The following PLEKHG1 variants were observed in gnomAD, a reference collection of about 807,000 sequenced individuals.
PLEKHG1 encodes pleckstrin homology and RhoGEF domain containing G1, also known as pleckstrin homology domain-containing family G member 1.
Under a neutral mutation model 100.8 loss-of-function variants are expected in PLEKHG1, and 44 were observed. The ratio of observed to expected loss-of-function variants is 0.44; its 90% CI spans 0.34 to 0.56. The LOEUF (loss-of-function observed/expected upper bound fraction) is 0.56. Among genes scored for constraint, PLEKHG1 ranks in the 20% least tolerant of loss-of-function variants. The probability of loss-of-function intolerance (pLI) is 0.01; values close to 1 mark genes in which losing one functional copy is unlikely to be tolerated. For synonymous variants in PLEKHG1, 640 were observed against 662.5 expected (o/e 0.97, Z 0.52); for missense variants, 1,545 against 1,720.9 (o/e 0.90, Z 1.81).
intron 3 of PLEKHG1, among the ~76,000 whole-genome samples, chr6:150,706,257 C>T (rs988582210): frequency 7.9e-5 from 12 of 152,166 alleles, no homozygotes; most frequent in African/African-American, 2.4e-4. Context: ...CGCCAGCGAG[C>T]TCAGTATGTC....
Position 150,830,845 on chromosome 6 carries a change from A to G in PLEKHG1, c.1734A>G (p.Glu578=), listed in dbSNP as rs771410239. The G allele has an allele frequency of 8.1e-6, 13 of 1,614,202 alleles. No homozygotes were observed. The Middle Eastern group carries it at 4.9e-4, about 61-fold the overall frequency. ...ATCTGAACTCTACCAGACTATGTGAAGATAGCACTTCTAGTCGCCCTTGCA... is the reference window on the plus strand; with the variant it reads ...ATCTGAACTCTACCAGACTATGTGAGGATAGCACTTCTAGTCGCCCTTGCA... The change falls in exon 15 of 16, where the codon GAA becomes GAG. Residue 578 remains glutamate (E), a synonymous_variant. Transcript: ENST00000358517.
intron 1 of PLEKHG1, among the ~76,000 whole-genome samples, chr6:150,612,458 G>T (rs1282142009): frequency 6.6e-6 from 1 of 151,932 alleles, no homozygotes; most frequent in African/African-American, 2.4e-5. Context: ...TCAGCCTCCC[G>T]AATAGCTGGG....
intron 6 of PLEKHG1, among the ~76,000 whole-genome samples, chr6:150,802,521 A>G (rs1308948798): frequency 1.3e-5 from 2 of 152,160 alleles, no homozygotes; most frequent in Admixed American, 1.3e-4. Flanking sequence ...AACAGGAAAA[A>G]CAGCCTTTAT....
Position 150,750,780 on chromosome 6 carries a change from C to CAAAAA in PLEKHG1, c.411+16707_411+16711dup, listed in dbSNP as rs1158670858. ...TGGGCGACAGAGCGAGACTCCATCTCAAAAAAAAAAAAAAAAAAAAAAAGG... is the reference window on the plus strand; with the variant it reads ...TGGGCGACAGAGCGAGACTCCATCTCAAAAAAAAAAAAAAAAAAAAAAAAAAAAGG... On this transcript the variant is annotated intron_variant, in intron 2 of 15. Transcript: ENST00000358517. Among the ~76,000 whole-genome samples, 266 of 37,328 alleles carry CAAAAA rather than the reference C, an allele frequency of 7.1e-3. 12 individuals carry two copies. Among genetic ancestry groups the CAAAAA allele is most frequent in the Middle Eastern group, 0.039 (3 of 76 alleles). The allele number at this position is 37,328 out of a possible 152,430, so 24.5% of individuals were successfully genotyped here. A position where few individuals can be genotyped will look rare whatever the true frequency, so the allele number is the denominator to read the frequency against.
intron 3 of PLEKHG1, among the ~76,000 whole-genome samples, chr6:150,777,287 C>T (rs1325225307): frequency 2.1e-5 from 3 of 143,760 alleles, no homozygotes; most frequent in African/African-American, 5.2e-5. Context: ...TGCACATCAG[C>T]CACACTGATG....
At chr6:150,725,105 G>A (rs1404032695) in intron 1 of PLEKHG1, among the ~76,000 whole-genome samples, 1 of 152,174 alleles carries the variant, frequency 6.6e-6, no homozygotes, top group Non-Finnish European at 1.5e-5. Context: ...CAGAGAGTGG[G>A]AAGTCCAGGA....
chr6:150,724,934 G>A (rs557203558), intron 1 of PLEKHG1, among the ~76,000 whole-genome samples: 1 of 152,308 alleles, frequency 6.6e-6, no homozygotes, highest in Admixed American at 6.5e-5. Flanking sequence ...TTTATCTAAT[G>A]CATTAGCTGC....
intron 5 of PLEKHG1, among the ~76,000 whole-genome samples, chr6:150,796,132 T>C (rs1416181863): frequency 6.6e-6 from 1 of 152,154 alleles, no homozygotes; most frequent in Non-Finnish European, 1.5e-5. Context: ...TAAAAGTCTA[T>C]GGAGAAACCA....
intron 13 of PLEKHG1, among the ~76,000 whole-genome samples, chr6:150,822,841 A>G (rs1178410): frequency 0.77 from 117,621 of 152,108 alleles, 45,866 homozygotes; most frequent in South Asian, 0.84. Flanking sequence ...TTCACCAGGC[A>G]TGGTGGTTTA....
At chr6:150,673,741 G>A (rs1005428021) in intron 3 of PLEKHG1, among the ~76,000 whole-genome samples, 4 of 151,656 alleles carry the variant, frequency 2.6e-5, no homozygotes. Flanking sequence ...ACTCACTGCA[G>A]CCTCAACCTC....
intron 3 of PLEKHG1, among the ~76,000 whole-genome samples, chr6:150,782,434 T>C (rs1288025419): frequency 2.0e-5 from 3 of 152,226 alleles, no homozygotes; most frequent in Middle Eastern, 3.4e-3. Context: ...GTATAGTACA[T>C]TGATATGGTT....
At chr6:150,749,847 G>T (rs1251500186) in intron 2 of PLEKHG1, among the ~76,000 whole-genome samples, 1 of 152,154 alleles carries the variant, frequency 6.6e-6, no homozygotes, top group Admixed American at 6.5e-5. Context: ...GCCAGGGTGG[G>T]TGGATCACGA....
intron 3 of PLEKHG1, among the ~76,000 whole-genome samples, chr6:150,674,476 C>T (rs1025110720): frequency 6.6e-6 from 1 of 152,130 alleles, no homozygotes; most frequent in African/African-American, 2.4e-5. Context: ...ATAAACTCTT[C>T]TAAGAATTAT....
intron 1 of PLEKHG1, among the ~76,000 whole-genome samples, chr6:150,610,968 A>G (rs1376014368): frequency 2.0e-5 from 3 of 152,230 alleles, no homozygotes; most frequent in African/African-American, 4.8e-5. Flanking sequence ...GGCATTTCCA[A>G]ATAGGATATC....
rs71554473 is a variant in PLEKHG1 at position 150,641,876 on chromosome 6, C to CAAAAA, written c.-158+3770_-158+3774dup. ...GTTTTACTTGACTGATGTGAAAAGG[C>CAAAAA]AAAAAAAAAAAAAAAAAAAAAAAGC... is the stretch of plus-strand genomic sequence containing the variant. On this transcript the variant is annotated intron_variant, in intron 2 of 3. Transcript: ENST00000367326. Among the ~76,000 whole-genome samples the CAAAAA allele has an allele frequency of 8.4e-3, 642 of 76,812 alleles. 5 individuals are homozygous for CAAAAA. Among genetic ancestry groups the CAAAAA allele is most frequent in the Non-Finnish European group, 0.011 (485 of 44,890 alleles). 50.4% of individuals were successfully genotyped at this position (76,812 alleles called of 152,430 possible).
At chr6:150,690,355 C>T (rs896132595) in intron 3 of PLEKHG1, among the ~76,000 whole-genome samples, 1 of 152,114 alleles carries the variant, frequency 6.6e-6, no homozygotes, top group South Asian at 2.1e-4. Context: ...CCACCAACAT[C>T]GTTACTGTTT....
chr6:150,802,787 A>T (rs1318101080), intron 6 of PLEKHG1, among the ~76,000 whole-genome samples: 4 of 151,506 alleles, frequency 2.6e-5, no homozygotes, highest in African/African-American at 9.7e-5. Flanking sequence ...CAGCTTCCCG[A>T]GTAGCTGGGA....
chr6:150,759,640 C>T (rs770742360), intron 2 of PLEKHG1, among the ~76,000 whole-genome samples: 11 of 151,928 alleles, frequency 7.2e-5, no homozygotes, highest in South Asian at 4.2e-4. Flanking sequence ...CCTAGGGTTG[C>T]GGTGAAGATG....
intron 1 of PLEKHG1, among the ~76,000 whole-genome samples, chr6:150,604,452 C>G (rs1776499418): frequency 6.6e-6 from 1 of 152,164 alleles, no homozygotes; most frequent in African/African-American, 2.4e-5. Context: ...TGTTTACAAC[C>G]CTTTAAAAAT....
Sources: allele counts gnomAD v4.1 joint callset (sites outside exome capture counted in the v4.1 genomes callset), GRCh38; gene constraint gnomAD v4.1.1; transcripts MANE v1.5; gene names NCBI Gene and HGNC (gene_info 2026-07-23, HGNC 2026-07-21).